SAMD12: variants seen among roughly 807,000 people sequenced by gnomAD.
The protein encoded by SAMD12 is sterile alpha motif domain containing 12, also known as sterile alpha motif domain-containing protein 12.
SAMD12 carries 9 observed loss-of-function variants against 15.0 expected under a neutral mutation model. That is an observed-to-expected ratio of 0.60 (90% confidence interval 0.36 to 1.05). The LOEUF (loss-of-function observed/expected upper bound fraction) is 1.05, where lower values mean the gene tolerates loss of function less well. Among genes scored for constraint, SAMD12 ranks in the 50% least tolerant of loss-of-function variants. The probability of loss-of-function intolerance (pLI) is 0.01; values close to 1 mark genes in which losing one functional copy is unlikely to be tolerated. For synonymous variants in SAMD12, 86 were observed against 90.1 expected (o/e 0.96, Z 0.25); for missense variants, 230 against 234.2 (o/e 0.98, Z 0.12).
intron 4 of SAMD12, among the ~76,000 whole-genome samples, chr8:118,330,076 C>T (rs1816744113): frequency 6.6e-6 from 1 of 151,598 alleles, no homozygotes; most frequent in Non-Finnish European, 1.5e-5. Flanking sequence ...TTTCTCTAAC[C>T]CAATTGTCAC....
the SAMD12 span, among the ~76,000 whole-genome samples, chr8:118,156,119 T>C: frequency 2.0e-5 from 3 of 152,158 alleles, no homozygotes; most frequent in Admixed American, 6.5e-5. Flanking sequence ...CAAACTCACA[T>C]GGAATTAGCT....
the SAMD12 span, among the ~76,000 whole-genome samples, chr8:118,147,658 C>A: frequency 6.6e-6 from 1 of 152,032 alleles, no homozygotes; most frequent in African/African-American, 2.4e-5. Flanking sequence ...CCGTGCCCGG[C>A]CCCTATGAAA....
intron 3 of SAMD12, among the ~76,000 whole-genome samples, chr8:118,424,205 G>A (rs1822144429): frequency 6.6e-6 from 1 of 152,102 alleles, no homozygotes; most frequent in South Asian, 2.1e-4. Flanking sequence ...ATAAGTATAT[G>A]TGTATATCTA....
At chr8:118,517,219 T>C (rs1825267505) in intron 2 of SAMD12, among the ~76,000 whole-genome samples, 1 of 152,196 alleles carries the variant, frequency 6.6e-6, no homozygotes, top group Non-Finnish European at 1.5e-5. Context: ...TAAGATTCTT[T>C]GAACTGCGCC....
rs539893524 is a variant in SAMD12 at position 118,505,313 on chromosome 8, T to A, written c.193-65352A>T. The stretch of plus-strand genomic sequence containing the variant: ...ATTGGTGCTGCTGGCTTCTTTAGTA[T>A]CTATTGTCTCCTTTCTTATGGGCAG... On this transcript the variant is annotated intron_variant, in intron 2 of 3. Transcript: ENST00000314727. Among the ~76,000 whole-genome samples the A allele has an allele frequency of 2.6e-5, 4 of 151,716 alleles. No individual in the cohort carries two copies. In the South Asian group the frequency reaches 8.3e-4, roughly 32 times the overall value.
intron 2 of SAMD12, among the ~76,000 whole-genome samples, chr8:118,500,802 T>C (rs1824762385): frequency 6.6e-6 from 1 of 152,208 alleles, no homozygotes; most frequent in South Asian, 2.1e-4. Context: ...GGAAACTCTG[T>C]CTTAAATAAA....
At chr8:118,282,556 C>T (rs1468410514) in intron 4 of SAMD12, among the ~76,000 whole-genome samples, 1 of 152,138 alleles carries the variant, frequency 6.6e-6, no homozygotes, top group African/African-American at 2.4e-5. Flanking sequence ...TTAACCTCAG[C>T]AGTGAGTGCT....
intron 2 of SAMD12, among the ~76,000 whole-genome samples, chr8:118,515,387 G>A (rs941018181): frequency 2.6e-5 from 4 of 151,864 alleles, no homozygotes; most frequent in Admixed American, 2.0e-4. Context: ...CTTCTGCCAC[G>A]ATTGAAAGTT....
chr8:118,165,618 A>G, the SAMD12 span, among the ~76,000 whole-genome samples: 524 of 63,410 alleles, frequency 8.3e-3, 4 homozygotes, highest in South Asian at 0.017. Context: ...ATATATGTAT[A>G]TATATATATA....
At chr8:118,500,092 T>TTTTTTTTTTTTA (rs1824740304) in intron 2 of SAMD12, among the ~76,000 whole-genome samples, 2 of 144,170 alleles carry the variant, frequency 1.4e-5, no homozygotes, top group South Asian at 2.3e-4. Context: ...TTTTTTTTTT[T>TTTTTTTTTTTTA]GAGACAGCAG....
chr8:118,489,781 A>G lies in SAMD12; in HGVS notation c.193-49820T>C, dbSNP rs1586758637. On this transcript the variant is annotated intron_variant, in intron 2 of 3. Transcript: ENST00000314727. ...CAGTTGTTATAATGGCTTCTGTTTT[A>G]TTGTGTTTCTTATGTTGGCTTTTCC... Among the ~76,000 whole-genome samples, 4 of 152,206 alleles carry G rather than the reference A, an allele frequency of 2.6e-5. No individual in the cohort carries two copies. In the South Asian group the frequency reaches 8.3e-4, roughly 32 times the overall value.
chr8:118,496,358 G>A (rs1013735442), intron 2 of SAMD12, among the ~76,000 whole-genome samples: 2 of 152,104 alleles, frequency 1.3e-5, no homozygotes, highest in Admixed American at 1.3e-4. Context: ...GCATGGTACT[G>A]GCATAAAAAC....
At chr8:118,159,123 G>A in the SAMD12 span, among the ~76,000 whole-genome samples, 1 of 152,008 alleles carries the variant, frequency 6.6e-6, no homozygotes, top group East Asian at 1.9e-4. Context: ...GAAGAGAGAA[G>A]AGAAGAGGGA....
At chr8:118,523,369 TG>T (rs767685137) in intron 2 of SAMD12, among the ~76,000 whole-genome samples, 31 of 152,158 alleles carry the variant, frequency 2.0e-4, no homozygotes, top group Non-Finnish European at 3.4e-4. Context: ...GTGGCTGAAA[TG>T]GAAGCAATCA....
At chr8:118,364,880 CATTTGCCACCACCCTCATCCAG>C (rs1287000985) in intron 4 of SAMD12, among the ~76,000 whole-genome samples, 1 of 152,056 alleles carries the variant, frequency 6.6e-6, no homozygotes, top group Non-Finnish European at 1.5e-5. Flanking sequence ...TCCTCATCCT[CATTTGCCACCACCCTCATCCAG>C]GTTGTTATCA....
intron 2 of SAMD12, among the ~76,000 whole-genome samples, chr8:118,547,436 T>G (rs1031727080): frequency 6.6e-6 from 1 of 152,192 alleles, no homozygotes; most frequent in African/African-American, 2.4e-5. Flanking sequence ...GATAAAGTAT[T>G]GGGTTGTAAT....
chr8:118,228,312 TG>T (rs1812228428), intron 4 of SAMD12, among the ~76,000 whole-genome samples: 2 of 152,112 alleles, frequency 1.3e-5, no homozygotes, highest in South Asian at 2.1e-4. Flanking sequence ...AGCTTTTCCA[TG>T]GCAAAAGGAA....
chr8:118,300,825 T>C (rs888763961), intron 4 of SAMD12, among the ~76,000 whole-genome samples: 1 of 152,236 alleles, frequency 6.6e-6, no homozygotes, highest in Non-Finnish European at 1.5e-5. Flanking sequence ...GTTCATAAAA[T>C]TGTATATTCT....
At chr8:118,492,407 C>T (rs1824467297) in intron 2 of SAMD12, among the ~76,000 whole-genome samples, 1 of 152,170 alleles carries the variant, frequency 6.6e-6, no homozygotes, top group African/African-American at 2.4e-5. Context: ...TCTTCTTAGG[C>T]TGTACAAATA....
Sources: allele counts gnomAD v4.1 joint callset (sites outside exome capture counted in the v4.1 genomes callset), GRCh38; gene constraint gnomAD v4.1.1; transcripts MANE v1.5; gene names NCBI Gene and HGNC (gene_info 2026-07-23, HGNC 2026-07-21).